DOCK4: variants seen among roughly 807,000 people sequenced by gnomAD.
The protein encoded by DOCK4 is dedicator of cytokinesis protein 4.
DOCK4 carries 97 observed loss-of-function variants against 268.1 expected under a neutral mutation model. The observed-to-expected ratio is 0.36, with a 90% confidence interval of 0.31 to 0.43. The LOEUF (loss-of-function observed/expected upper bound fraction) is 0.43. Ranked by LOEUF, DOCK4 falls within the 20% of genes least tolerant of loss-of-function variation. DOCK4 has a pLI of 1.00. For missense variants in DOCK4, 2,145 were observed against 2,455.7 expected, an observed-to-expected ratio of 0.87 and a Z score of 2.67; for synonymous variants, 954 against 887.2, an observed-to-expected ratio of 1.08 and a Z score of -1.34.
At chr7:112,144,959 T>A (rs185846871) in intron 1 of DOCK4, among the ~76,000 whole-genome samples, 18 of 152,274 alleles carry the variant, frequency 1.2e-4, no homozygotes. Context: ...TGAAACACTC[T>A]TGCTTGTTAG....
Position 111,887,323 on chromosome 7 carries a change from G to C in DOCK4, c.1587+8289C>G, listed in dbSNP as rs1207251199. Among the ~76,000 whole-genome samples the C allele has an allele frequency of 3.3e-5, 5 of 152,176 alleles. No homozygotes were observed. In the East Asian group the frequency reaches 9.6e-4, roughly 29 times the overall value. ...GTAGGCTGGTAAAAGTTTTGCACTA[G>C]AAAAACATATCTGGCAGTTAACAGC... On this transcript the variant is annotated intron_variant, in intron 16 of 52. Transcript: ENST00000428084.
intron 1 of DOCK4, among the ~76,000 whole-genome samples, chr7:112,070,256 G>C (rs1432729459): frequency 6.6e-6 from 1 of 152,188 alleles, no homozygotes; most frequent in Non-Finnish European, 1.5e-5. Flanking sequence ...CTTAGAAGTA[G>C]ATGGGAACCC....
intron 1 of DOCK4, among the ~76,000 whole-genome samples, chr7:112,118,920 T>C (rs1451213264): frequency 6.6e-6 from 1 of 152,216 alleles, no homozygotes; most frequent in Non-Finnish European, 1.5e-5. Flanking sequence ...TAGATGTGCC[T>C]TTCCCTATAA....
chr7:111,877,508 T>G (rs565232871), intron 16 of DOCK4, among the ~76,000 whole-genome samples: 1 of 152,242 alleles, frequency 6.6e-6, no homozygotes, highest in Non-Finnish European at 1.5e-5. Flanking sequence ...TTAGGTTATA[T>G]AAAGCCTTTA....
intron 1 of DOCK4, among the ~76,000 whole-genome samples, chr7:112,160,348 C>G (rs571146915): frequency 1.3e-5 from 2 of 152,268 alleles, no homozygotes; most frequent in African/African-American, 2.4e-5. Flanking sequence ...GGCAAATGTA[C>G]ACTCACACAA....
chr7:111,749,317 G>A (rs1282694365), intron 42 of DOCK4, among the ~76,000 whole-genome samples: 1 of 152,156 alleles, frequency 6.6e-6, no homozygotes, highest in East Asian at 1.9e-4. Flanking sequence ...AAACATCTTA[G>A]AACATAGAAT....
rs1563409859 is a variant in DOCK4 at position 111,726,607 on chromosome 7, A to G, written c.*1667T>C. On this transcript the variant is annotated 3_prime_UTR_variant, in exon 53 of 53. Coordinates refer to ENST00000428084, the MANE Select transcript of DOCK4 (RefSeq NM_001363540.2). ...TCAATTATGAACACTTTCACTAAAC[A>G]TAAATATTTAACATATATTAATTTT... 9 of 152,660 alleles carry G rather than the reference A, an allele frequency of 5.9e-5. No individual in the cohort carries two copies. Among genetic ancestry groups the G allele is most frequent in the Admixed American group, 3.9e-4 (6 of 15,282 alleles). The allele number at this position is 152,660 out of a possible 1,614,324, so 9.5% of individuals were successfully genotyped here. A position where few individuals can be genotyped will look rare whatever the true frequency, so the allele number is the denominator to read the frequency against.
At chr7:112,125,242 C>G (rs758045108) in intron 1 of DOCK4, among the ~76,000 whole-genome samples, 2 of 152,176 alleles carry the variant, frequency 1.3e-5, no homozygotes, top group African/African-American at 2.4e-5. Context: ...ATGCTCCCCC[C>G]CTGCCCCATC....
At position 112,011,222 on chromosome 7, in the gene DOCK4, G is replaced by A. The variant is rs191952801; in HGVS notation, c.38-7091C>T. 1.4e-3 allele frequency among the ~76,000 whole-genome samples: 211 copies of A among 152,270 alleles called. 1 individual carries two copies. Among genetic ancestry groups the A allele is most frequent in the South Asian group, 1.0e-3 (5 of 4,830 alleles). On this transcript the variant is annotated intron_variant, in intron 1 of 52. Transcript: ENST00000428084. ...TAGGCCTGCATCACAGATCAACTTC[G>A]CCCTCTGGCAAGTTCTGCTTCCTTC...
intron 13 of DOCK4, among the ~76,000 whole-genome samples, chr7:111,903,822 T>C (rs1421774773): frequency 6.6e-6 from 1 of 152,204 alleles, no homozygotes; most frequent in Non-Finnish European, 1.5e-5. Context: ...CAAAATATAT[T>C]GGCTAAAAAC....
At chr7:112,153,570 G>A (rs1184378284) in intron 1 of DOCK4, among the ~76,000 whole-genome samples, 1 of 152,132 alleles carries the variant, frequency 6.6e-6, no homozygotes, top group African/African-American at 2.4e-5. Context: ...GTTTTCAGCT[G>A]TGTAAAATTT....
chr7:111,774,972 T>C (rs1798354630), intron 36 of DOCK4, among the ~76,000 whole-genome samples: 1 of 152,224 alleles, frequency 6.6e-6, no homozygotes, highest in South Asian at 2.1e-4. Flanking sequence ...CTGTAGGTTG[T>C]AGTTTGTTGA....
intron 26 of DOCK4, among the ~76,000 whole-genome samples, chr7:111,823,748 A>G (rs1326392908): frequency 6.6e-6 from 1 of 152,232 alleles, no homozygotes; most frequent in African/African-American, 2.4e-5. Flanking sequence ...CTGATTGAAG[A>G]TAACGATATG....
chr7:111,866,257 A>C lies in DOCK4; in HGVS notation c.2280+1727T>G, dbSNP rs1437775866. ...TGTGTGGCATTTCTTGTCTTCCCCA[A>C]ATACACAGAGGCAAAGTTCTCATTG... is the stretch of plus-strand genomic sequence containing the variant. On this transcript the variant is annotated intron_variant, in intron 22 of 52. Transcript: ENST00000428084. 3.9e-5 allele frequency among the ~76,000 whole-genome samples: 6 copies of C among 152,342 alleles called. 1 individual carries two copies. The highest frequency in any genetic ancestry group is 6.8e-3 in the Middle Eastern group (2 of 294).
chr7:112,154,259 C>A (rs915644127), intron 1 of DOCK4, among the ~76,000 whole-genome samples: 1 of 152,046 alleles, frequency 6.6e-6, no homozygotes, highest in African/African-American at 2.4e-5. Flanking sequence ...GGCATAAGCA[C>A]CTGTACCCAG....
intron 1 of DOCK4, among the ~76,000 whole-genome samples, chr7:112,130,953 C>T (rs1813740691): frequency 2.0e-5 from 3 of 152,132 alleles, no homozygotes; most frequent in Admixed American, 2.0e-4. Flanking sequence ...AAAATAAATC[C>T]ATTTGACTTC....
Position 111,934,834 on chromosome 7 carries a change from C to T in DOCK4, c.1066+706G>A, listed in dbSNP as rs532978755. On this transcript the variant is annotated intron_variant, in intron 12 of 52. Transcript: ENST00000428084. Reference sequence around the variant, plus strand: ...GATTACAGGCGTGAGCCACTGCGCCCGGCCGCGAAGCATGTTTTTATTGGA... The same window carrying T: ...GATTACAGGCGTGAGCCACTGCGCCTGGCCGCGAAGCATGTTTTTATTGGA... Among the ~76,000 whole-genome samples the T allele has an allele frequency of 6.0e-5, 9 of 149,740 alleles. No homozygotes were observed. The South Asian group carries it at 8.5e-4, about 14-fold the overall frequency.
At chr7:112,130,033 G>GACACGGAGCCACTTTTA (rs1423278203) in intron 1 of DOCK4, among the ~76,000 whole-genome samples, 3 of 152,200 alleles carry the variant, frequency 2.0e-5, no homozygotes, top group Non-Finnish European at 4.4e-5. Flanking sequence ...AACACATCTA[G>GACACGGAGCCACTTTTA]ACACGGAGCC....
intron 1 of DOCK4, among the ~76,000 whole-genome samples, chr7:112,156,641 C>G (rs1453802767): frequency 1.3e-5 from 2 of 152,118 alleles, no homozygotes; most frequent in Non-Finnish European, 2.9e-5. Context: ...GGAGGCGCTA[C>G]CCAGCATTGT....
Sources: allele counts gnomAD v4.1 joint callset (sites outside exome capture counted in the v4.1 genomes callset), GRCh38; gene constraint gnomAD v4.1.1; transcripts MANE v1.5; gene names NCBI Gene and HGNC (gene_info 2026-07-23, HGNC 2026-07-21).